The following LRRC7 variants were observed in gnomAD, a reference collection of about 807,000 sequenced individuals.
LRRC7 encodes leucine-rich repeat-containing protein 7.
A neutral mutation model predicts 175.7 loss-of-function variants in LRRC7; 23 were observed. The observed-to-expected ratio is 0.13, with a 90% confidence interval of 0.09 to 0.19. The LOEUF (loss-of-function observed/expected upper bound fraction) is 0.19. Among genes scored for constraint, LRRC7 ranks in the 10% least tolerant of loss-of-function variants. LRRC7 has a pLI of 1.00. For missense variants in LRRC7, 1,354 were observed against 1,904.7 expected (o/e 0.71, Z 5.38); for synonymous variants, 685 against 680.9 (o/e 1.01, Z -0.09).
At chr1:70,018,907 G>A in intron 15 of LRRC7, 89 bp downstream of exon 15, 1 of 901,254 alleles carries the variant, frequency 1.1e-6, no homozygotes. Context: ...CAGGAGTACT[G>A]GCACATGGAC....
At chr1:69,611,308 C>T (rs1648693254) in intron 1 of LRRC7, among the ~76,000 whole-genome samples, 1 of 151,166 alleles carries the variant, frequency 6.6e-6, no homozygotes, top group African/African-American at 2.4e-5. Flanking sequence ...CCTTATTTAC[C>T]TTATTTTGGT....
chr1:69,928,868 A>G (rs1453139149), intron 7 of LRRC7, among the ~76,000 whole-genome samples: 2 of 152,208 alleles, frequency 1.3e-5, no homozygotes, highest in South Asian at 2.1e-4. Context: ...GGTACCTCAG[A>G]TGGAAATGCA....
At chr1:69,900,971 G>T (rs1476041035) in intron 7 of LRRC7, among the ~76,000 whole-genome samples, 1 of 152,146 alleles carries the variant, frequency 6.6e-6, no homozygotes, top group Non-Finnish European at 1.5e-5. Flanking sequence ...CAGTGGTTTT[G>T]CAGGCAATAA....
At chr1:70,079,100 A>C (rs1663027015) in intron 24 of LRRC7, among the ~76,000 whole-genome samples, 1 of 152,176 alleles carries the variant, frequency 6.6e-6, no homozygotes. Context: ...AGACCTTTTT[A>C]ATAAGTGTAT....
intron 7 of LRRC7, among the ~76,000 whole-genome samples, chr1:69,865,858 C>T (rs1390329086): frequency 2.0e-5 from 3 of 152,090 alleles, no homozygotes; most frequent in African/African-American, 7.2e-5. Flanking sequence ...GTGACCTGGC[C>T]AGGATAACCT....
At chr1:69,737,929 C>T (rs1194132097) in intron 2 of LRRC7, among the ~76,000 whole-genome samples, 1 of 151,940 alleles carries the variant, frequency 6.6e-6, no homozygotes, top group Non-Finnish European at 1.5e-5. Flanking sequence ...AGACAGGAGG[C>T]AAAGGGAAGG....
rs75929961 is a variant in LRRC7, at chr1:69,692,623, G to T, written c.100+14145G>T. Among the ~76,000 whole-genome samples the T allele has an allele frequency of 1.3e-3, 201 of 152,166 alleles. 6 individuals carry two copies. In the East Asian group the frequency reaches 0.033, roughly 25 times the overall value. Reference sequence around the variant, plus strand: ...ATATTCTACTGTCATCTCAAATTGTGTCTTACATTATTCTTGAAGCTTCCA... The same window carrying T: ...ATATTCTACTGTCATCTCAAATTGTTTCTTACATTATTCTTGAAGCTTCCA... On this transcript the variant is annotated intron_variant, in intron 2 of 26. Coordinates refer to ENST00000651989, the MANE Select transcript of LRRC7 (RefSeq NM_001370785.2).
intron 24 of LRRC7, among the ~76,000 whole-genome samples, chr1:70,079,298 T>C (rs905383399): frequency 6.6e-6 from 1 of 152,146 alleles, no homozygotes; most frequent in Non-Finnish European, 1.5e-5. Flanking sequence ...ATCAAAACAG[T>C]CTATTTTAAT....
At chr1:69,825,650 C>T in intron 4 of LRRC7, 98 bp from the exon 5 acceptor site, 1 of 706,930 alleles carries the variant, frequency 1.4e-6, no homozygotes, top group Non-Finnish European at 2.3e-6. Flanking sequence ...ACATCATGTA[C>T]TGACTCATAG....
intron 2 of LRRC7, among the ~76,000 whole-genome samples, chr1:69,701,954 G>A (rs553104157): frequency 7.9e-5 from 12 of 152,084 alleles, no homozygotes; most frequent in African/African-American, 2.2e-4. Flanking sequence ...GTGTCCATGC[G>A]GTATAAAGTT....
chr1:70,012,889 T>C (rs1439002060), intron 12 of LRRC7, 85 bp from the exon 13 acceptor site: 5 of 625,426 alleles, frequency 8.0e-6, no homozygotes, highest in Non-Finnish European at 1.3e-5. Flanking sequence ...GAAAATCTAC[T>C]AAATTGTTTT....
intron 2 of LRRC7, among the ~76,000 whole-genome samples, chr1:69,706,103 A>T (rs567126750): frequency 7.2e-5 from 11 of 152,138 alleles, no homozygotes; most frequent in Non-Finnish European, 1.2e-4. Context: ...TCTATATTCA[A>T]GTTAATGGCC....
intron 2 of LRRC7, among the ~76,000 whole-genome samples, chr1:69,718,312 G>C (rs1376586441): frequency 1.3e-5 from 2 of 151,500 alleles, no homozygotes; most frequent in Non-Finnish European, 3.0e-5. Flanking sequence ...GTAGAGAAGA[G>C]AAGAAGAACT....
At chr1:69,752,226 T>C (rs971080711) in intron 2 of LRRC7, among the ~76,000 whole-genome samples, 1 of 152,064 alleles carries the variant, frequency 6.6e-6, no homozygotes, top group Non-Finnish European at 1.5e-5. Context: ...ATGGAACGAG[T>C]CTGGCAGATT....
chr1:70,128,225 G>T lies in LRRC7; in HGVS notation c.*6338G>T, dbSNP rs1199826428. On this transcript the variant is annotated 3_prime_UTR_variant, in exon 27 of 27. Transcript: ENST00000651989. ...GATCCACCTGCCTCGACCTCCCAAA[G>T]TGCTGGGATTACAGGCGTGAGCCAC... 6.6e-6 allele frequency among the ~76,000 whole-genome samples: 1 copy of T among 152,206 alleles called. No homozygotes were observed. Among genetic ancestry groups the T allele is most frequent in the South Asian group, 2.1e-4 (1 of 4,834 alleles).
At chr1:69,889,882 G>T (rs1462539006) in intron 7 of LRRC7, among the ~76,000 whole-genome samples, 1 of 152,110 alleles carries the variant, frequency 6.6e-6, no homozygotes, top group African/African-American at 2.4e-5. Flanking sequence ...CACTTTCTTA[G>T]ATCATCCATA....
intron 1 of LRRC7, among the ~76,000 whole-genome samples, chr1:69,645,887 C>T (rs1654937054): frequency 6.6e-6 from 1 of 152,020 alleles, no homozygotes; most frequent in Admixed American, 6.6e-5. Flanking sequence ...TTCTAGTAAA[C>T]ATTTACAATA....
At chr1:69,981,323 G>C (rs1360060067) in intron 9 of LRRC7, among the ~76,000 whole-genome samples, 2 of 152,120 alleles carry the variant, frequency 1.3e-5, no homozygotes, top group African/African-American at 4.8e-5. Flanking sequence ...AATTACTTAA[G>C]ATGACAGCAA....
At chr1:70,079,339 C>G (rs1310286108) in intron 24 of LRRC7, among the ~76,000 whole-genome samples, 1 of 152,008 alleles carries the variant, frequency 6.6e-6, no homozygotes, top group African/African-American at 2.4e-5. Flanking sequence ...ATAAAAGAGC[C>G]ATAAAGAGAA....
Sources: allele counts gnomAD v4.1 joint callset (sites outside exome capture counted in the v4.1 genomes callset), GRCh38; gene constraint gnomAD v4.1.1; transcripts MANE v1.5; gene names NCBI Gene and HGNC (gene_info 2026-07-23, HGNC 2026-07-21).